TCERG1L: variants seen among roughly 807,000 people sequenced by gnomAD.
TCERG1L encodes transcription elongation regulator 1-like protein.
In TCERG1L, 37 loss-of-function variants were observed where a neutral mutation model predicts 56.3. That is an observed-to-expected ratio of 0.66 (90% CI 0.51 to 0.87). The LOEUF is 0.87. TCERG1L is among the 40% of genes least tolerant of loss of function. The probability of loss-of-function intolerance (pLI) is 0.00; values close to 1 mark genes in which losing one functional copy is unlikely to be tolerated. For missense variants in TCERG1L, 799 were observed against 774.2 expected, an observed-to-expected ratio of 1.03 and a Z score of -0.38; for synonymous variants, 324 against 326.3, an observed-to-expected ratio of 0.99 and a Z score of 0.08.
rs572299657 is a variant in TCERG1L, at chr10:131,167,046, T to C, written c.857-161A>G. On this transcript the variant is annotated intron_variant, in intron 4 of 11. Coordinates refer to ENST00000368642, the MANE Select transcript of TCERG1L (RefSeq NM_174937.4). The stretch of plus-strand genomic sequence containing the variant: ...ATTGCCCTGTCCTTGGGTTGAAGTC[T>C]AGTGACAAAGTTCTCATCCCAAAGC... Among the ~76,000 whole-genome samples, 256 of 152,366 alleles carry C rather than the reference T, an allele frequency of 1.7e-3. 1 individual carries two copies. Among genetic ancestry groups the C allele is most frequent in the African/African-American group, 5.7e-3 (235 of 41,588 alleles).
chr10:131,205,419 A>G (rs1845509992), intron 4 of TCERG1L, among the ~76,000 whole-genome samples: 1 of 152,166 alleles, frequency 6.6e-6, no homozygotes, highest in African/African-American at 2.4e-5. Context: ...AGGGAGAAAA[A>G]GTTAGACTCT....
intron 3 of TCERG1L, among the ~76,000 whole-genome samples, chr10:131,276,594 G>A (rs116080030): frequency 6.4e-4 from 98 of 152,320 alleles, no homozygotes; most frequent in African/African-American, 2.2e-3. Context: ...GATGCATTTA[G>A]ACAGCGATGC....
intron 9 of TCERG1L, among the ~76,000 whole-genome samples, chr10:131,108,201 C>A (rs1168793620): frequency 6.6e-6 from 1 of 152,236 alleles, no homozygotes; most frequent in East Asian, 1.9e-4. Context: ...ATGCAACAGA[C>A]TGAGAACAGC....
At chr10:131,107,023 G>A (rs556730374) in intron 9 of TCERG1L, among the ~76,000 whole-genome samples, 11 of 140,698 alleles carry the variant, frequency 7.8e-5, no homozygotes, top group Admixed American at 6.1e-4. Flanking sequence ...AGGGTCTCCA[G>A]ACAGAATGGA....
intron 4 of TCERG1L, among the ~76,000 whole-genome samples, chr10:131,219,243 C>T (rs1262447089): frequency 6.6e-6 from 1 of 152,226 alleles, no homozygotes; most frequent in Admixed American, 6.5e-5. Context: ...GGTCCCTGAG[C>T]CACAGGCCAA....
Position 131,226,920 on chromosome 10 carries a change from G to A in TCERG1L, c.856+33339C>T, listed in dbSNP as rs557925056. ...AAGCAGAAAGAGAAGCAGAATGTGCGGGCCCTCCCACCTCCTGGAGTCGCT... is the reference window on the plus strand; with the variant it reads ...AAGCAGAAAGAGAAGCAGAATGTGCAGGCCCTCCCACCTCCTGGAGTCGCT... On this transcript the variant is annotated intron_variant, in intron 4 of 11. Transcript: ENST00000368642. 2.5e-3 allele frequency among the ~76,000 whole-genome samples: 387 copies of A among 152,338 alleles called. 2 individuals are homozygous for A. Among genetic ancestry groups the A allele is most frequent in the Non-Finnish European group, 4.2e-3 (286 of 68,032 alleles).
At chr10:131,240,612 C>T (rs1393631489) in intron 4 of TCERG1L, among the ~76,000 whole-genome samples, 7 of 152,182 alleles carry the variant, frequency 4.6e-5, no homozygotes, top group East Asian at 1.9e-4. Context: ...GGACAGCACC[C>T]GCACAGGGTT....
chr10:131,180,274 C>T (rs535522564), intron 4 of TCERG1L, among the ~76,000 whole-genome samples: 1 of 152,288 alleles, frequency 6.6e-6, no homozygotes, highest in Middle Eastern at 3.4e-3. Flanking sequence ...CAGGCAGGGG[C>T]GAGTGACAGA....
At chr10:131,276,383 CACA>C (rs894713687) in intron 3 of TCERG1L, among the ~76,000 whole-genome samples, 1 of 152,226 alleles carries the variant, frequency 6.6e-6, no homozygotes, top group Non-Finnish European at 1.5e-5. Flanking sequence ...TATTTGTTTG[CACA>C]ACAACAAAAG....
intron 3 of TCERG1L, among the ~76,000 whole-genome samples, chr10:131,302,488 C>T (rs1458345815): frequency 4.6e-5 from 7 of 151,926 alleles, no homozygotes; most frequent in African/African-American, 1.7e-4. Flanking sequence ...TCCCCCAAAA[C>T]ATGTTTCTTT....
At position 131,260,284 on chromosome 10, in the gene TCERG1L, T is replaced by G. The variant is rs1589764691; in HGVS notation, c.831A>C (p.Ile277=). The change falls in exon 4 of 12, where the codon ATA becomes ATC. Residue 277 remains isoleucine, a synonymous_variant. Coordinates refer to ENST00000368642, the MANE Select transcript of TCERG1L (RefSeq NM_174937.4). The surrounding 1 kb of genome is among the most constrained non-coding windows in gnomAD (Gnocchi z 5.8). The part of the protein sequence containing the change: ...RHFLTLAPIK[I]PLRTSPVSDT... ...CTGAGACGGGGGACGTCCGGAGGGG[T>G]ATTTTGATGGGTGCCAAGGTCAGGA... is the stretch of plus-strand genomic sequence containing the variant. 7.2e-7 allele frequency: 1 copy of G among 1,398,006 alleles called. No homozygotes were observed. The allele number at this position is 1,398,006 out of a possible 1,614,324, so 86.6% of individuals were successfully genotyped here. A position where few individuals can be genotyped will look rare whatever the true frequency, so the allele number is the denominator to read the frequency against.
chr10:131,250,689 T>G (rs1298229968), intron 4 of TCERG1L, among the ~76,000 whole-genome samples: 2 of 152,124 alleles, frequency 1.3e-5, no homozygotes, highest in African/African-American at 2.4e-5. Flanking sequence ...TAAAGCACCC[T>G]CTTAGCCTCT....
At position 131,195,130 on chromosome 10, in the gene TCERG1L, T is replaced by C. The variant is rs186730933; in HGVS notation, c.857-28245A>G. ...ATAAGCACGAGGAACAGACGTGAAATGGGAAGCAGGTGAATATTTTTATTT... is the reference window on the plus strand; with the variant it reads ...ATAAGCACGAGGAACAGACGTGAAACGGGAAGCAGGTGAATATTTTTATTT... On this transcript the variant is annotated intron_variant, in intron 4 of 11. Coordinates refer to ENST00000368642, the MANE Select transcript of TCERG1L (RefSeq NM_174937.4). 1.0e-3 allele frequency among the ~76,000 whole-genome samples: 156 copies of C among 152,148 alleles called. 1 individual carries two copies. Among genetic ancestry groups the C allele is most frequent in the African/African-American group, 3.7e-3 (154 of 41,506 alleles).
At chr10:131,273,299 C>T (rs111493870) in intron 3 of TCERG1L, among the ~76,000 whole-genome samples, 53 of 152,300 alleles carry the variant, frequency 3.5e-4, no homozygotes, top group African/African-American at 1.2e-3. Context: ...TGGTGATTCT[C>T]GGGCAGTGTC....
At chr10:131,302,815 C>A (rs1846779912) in intron 3 of TCERG1L, among the ~76,000 whole-genome samples, 2 of 151,776 alleles carry the variant, frequency 1.3e-5, no homozygotes, top group South Asian at 4.2e-4. Context: ...GTGTGATGTT[C>A]CCCTCCCTGT....
At chr10:131,240,197 A>G (rs1395355090) in intron 4 of TCERG1L, among the ~76,000 whole-genome samples, 1 of 152,106 alleles carries the variant, frequency 6.6e-6, no homozygotes, top group Non-Finnish European at 1.5e-5. Flanking sequence ...TGTCCTTTTC[A>G]TGCCCAGTTC....
Position 131,116,774 on chromosome 10 carries a change from C to A in TCERG1L, c.1395+25G>T, listed in dbSNP as rs926793767. The A allele has an allele frequency of 5.2e-6, 8 of 1,547,552 alleles. No homozygotes were observed. The Admixed American group carries it at 1.6e-4, about 30-fold the overall frequency. On this transcript the variant is annotated intron_variant, in intron 9 of 11. Transcript: ENST00000368642. Reference sequence around the variant, plus strand: ...TTCCCCCGGGTCTGCCGTAGGAGTGCAGCCCCTCAGCCGCTGTGCCTTACC... The same window carrying A: ...TTCCCCCGGGTCTGCCGTAGGAGTGAAGCCCCTCAGCCGCTGTGCCTTACC...
intron 3 of TCERG1L, among the ~76,000 whole-genome samples, chr10:131,261,247 A>T (rs1302378214): frequency 6.6e-6 from 1 of 152,250 alleles, no homozygotes; most frequent in Non-Finnish European, 1.5e-5. Context: ...TTTCCCAAAT[A>T]AATGTGGTAT....
intron 4 of TCERG1L, among the ~76,000 whole-genome samples, chr10:131,173,452 C>G (rs985191133): frequency 1.3e-5 from 2 of 152,160 alleles, no homozygotes; most frequent in South Asian, 4.1e-4. Flanking sequence ...ATAAAAATAA[C>G]ACAGTCAGGG....
Sources: gnomAD v4.1 joint callset for allele counts (sites outside exome capture counted in the v4.1 genomes callset) on GRCh38, gnomAD v4.1.1 for gene constraint, Gnocchi (gnomAD v3.1) non-coding constraint, MANE v1.5 for transcripts, NCBI Gene and HGNC (gene_info 2026-07-23, HGNC 2026-07-21) for gene names.